DSCAML1: variants seen among roughly 807,000 people sequenced by gnomAD.
The protein encoded by DSCAML1 is DS cell adhesion molecule like 1, also known as cell adhesion molecule DSCAML1.
A neutral mutation model predicts 200.5 loss-of-function variants in DSCAML1; 38 were observed. The ratio of observed to expected loss-of-function variants is 0.19; its 90% CI spans 0.15 to 0.25. DSCAML1 has a LOEUF of 0.25. Ranked by LOEUF, DSCAML1 falls within the 10% of genes least tolerant of loss-of-function variation. The pLI, the probability that DSCAML1 is intolerant of heterozygous loss-of-function variation, is 1.00. For synonymous variants in DSCAML1, 1,215 were observed against 1,165.0 expected (o/e 1.04, Z -0.87); for missense variants, 2,223 against 2,858.8 (o/e 0.78, Z 5.07).
At position 117,780,296 on chromosome 11, in the gene DSCAML1, G is replaced by GAAAGA. The variant is rs1565280985; in HGVS notation, c.364+192_364+196dup. Among the ~76,000 whole-genome samples, 89 of 106,964 alleles carry GAAAGA rather than the reference G, an allele frequency of 8.3e-4. No homozygotes were observed. Among genetic ancestry groups the GAAAGA allele is most frequent in the African/African-American group, 2.5e-3 (81 of 32,548 alleles). 70.2% of individuals were successfully genotyped at this position (106,964 alleles called of 152,430 possible). A position where few individuals can be genotyped will look rare whatever the true frequency, so the allele number is the denominator to read the frequency against. ...AGAAAGAAAGAAAGAAAGAAAGAAA[G>GAAAGA]AAAGAAAGAGAGAAAGGAGAAAGAA... On this transcript the variant is annotated intron_variant, in intron 2 of 32. Transcript: ENST00000651296. The surrounding 1 kb of genome is among the most constrained non-coding windows in gnomAD (Gnocchi z 4.8).
chr11:117,489,585 C>G lies in DSCAML1; in HGVS notation c.2360-7423G>C, dbSNP rs1421181360. Among the ~76,000 whole-genome samples the G allele has an allele frequency of 2.0e-5, 3 of 152,164 alleles. No individual in the cohort carries two copies. Among genetic ancestry groups the G allele is most frequent in the Non-Finnish European group, 4.4e-5 (3 of 68,014 alleles). On this transcript the variant is annotated intron_variant, in intron 11 of 32. Transcript: ENST00000651296. The surrounding 1 kb of genome is among the most constrained non-coding windows in gnomAD (Gnocchi z 4.8). ...GCAGCTTTAGGTGGGGTAGGGTCTT[C>G]TCTCTGAGACCCTGGGGGAGTGAAG...
chr11:117,673,059 G>A (rs892926715), intron 3 of DSCAML1, among the ~76,000 whole-genome samples: 3 of 152,030 alleles, frequency 2.0e-5, no homozygotes, highest in African/African-American at 7.2e-5. Context: ...TCGGGCAATC[G>A]GTTTTCATCG....
In DSCAML1 at chr11:117,489,683, A is replaced by G. The variant is rs2049148461; in HGVS notation, c.2360-7521T>C. On this transcript the variant is annotated intron_variant, in intron 11 of 32. Coordinates refer to ENST00000651296, the MANE Select transcript of DSCAML1 (RefSeq NM_020693.4). This position sits in a 1 kb window ranked among gnomAD's most constrained non-coding sequence, Gnocchi z 4.8. Reference sequence around the variant, plus strand: ...CCCAGCACCTGCTACAGTGCCTGGCACTGTGATGACCAAATTGGGGCATAC... The same window carrying G: ...CCCAGCACCTGCTACAGTGCCTGGCGCTGTGATGACCAAATTGGGGCATAC... Among the ~76,000 whole-genome samples, 1 of 152,172 alleles carries G rather than the reference A, an allele frequency of 6.6e-6. No individual in the cohort carries two copies. The highest frequency in any genetic ancestry group is 2.1e-4 in the South Asian group (1 of 4,830).
intron 3 of DSCAML1, among the ~76,000 whole-genome samples, chr11:117,612,263 C>T (rs2051710355): frequency 6.6e-6 from 1 of 152,220 alleles, no homozygotes; most frequent in African/African-American, 2.4e-5. Flanking sequence ...CTTTCTTCCC[C>T]ACCGCCTCCC....
chr11:117,525,701 C>T (rs372651869), intron 4 of DSCAML1, among the ~76,000 whole-genome samples: 1 of 152,172 alleles, frequency 6.6e-6, no homozygotes, highest in African/African-American at 2.4e-5. Flanking sequence ...CTCGGGTGAT[C>T]CGCCTGCCTT....
At chr11:117,576,394 C>T (rs1198811079) in intron 3 of DSCAML1, among the ~76,000 whole-genome samples, 2 of 152,210 alleles carry the variant, frequency 1.3e-5, no homozygotes, top group East Asian at 3.9e-4. Context: ...TCTTGCTCCT[C>T]CCCATTCCAT....
At chr11:117,756,064 G>A (rs1049393694) in intron 3 of DSCAML1, among the ~76,000 whole-genome samples, 1 of 152,246 alleles carries the variant, frequency 6.6e-6, no homozygotes, top group African/African-American at 2.4e-5. Flanking sequence ...GAAATTGTGT[G>A]AAAGATCTGA....
chr11:117,707,346 A>G (rs1286973108), intron 3 of DSCAML1, among the ~76,000 whole-genome samples: 2 of 152,154 alleles, frequency 1.3e-5, no homozygotes, highest in Non-Finnish European at 2.9e-5. Flanking sequence ...GATAAGGAAA[A>G]AAGGACAGAG....
chr11:117,600,050 T>C (rs1197004923), intron 3 of DSCAML1, among the ~76,000 whole-genome samples: 1 of 152,208 alleles, frequency 6.6e-6, no homozygotes, highest in Non-Finnish European at 1.5e-5. Flanking sequence ...ACACTGGGGA[T>C]AACAGCCATA....
intron 3 of DSCAML1, among the ~76,000 whole-genome samples, chr11:117,699,170 G>C (rs1298843705): frequency 6.6e-6 from 1 of 152,114 alleles, no homozygotes; most frequent in Non-Finnish European, 1.5e-5. Context: ...GGAGGAGAAG[G>C]GACCAGACAG....
intron 1 of DSCAML1, among the ~76,000 whole-genome samples, chr11:117,791,004 A>G (rs2055454884): frequency 6.6e-6 from 1 of 152,368 alleles, no homozygotes; most frequent in African/African-American, 2.4e-5. Flanking sequence ...AGCATCATGT[A>G]GAGACAGGGC....
intron 11 of DSCAML1, among the ~76,000 whole-genome samples, chr11:117,499,964 A>G (rs2049365600): frequency 6.6e-6 from 1 of 152,176 alleles, no homozygotes; most frequent in South Asian, 2.1e-4. Context: ...TCAAGAGTCA[A>G]CTCTACATAG....
chr11:117,739,368 G>A (rs575709888), intron 3 of DSCAML1, among the ~76,000 whole-genome samples: 1 of 152,168 alleles, frequency 6.6e-6, no homozygotes, highest in Non-Finnish European at 1.5e-5. Context: ...GGAAACTCTG[G>A]GGTTGGGGCC....
intron 20 of DSCAML1, among the ~76,000 whole-genome samples, chr11:117,445,714 GTGTA>G (rs1250062450): frequency 6.6e-6 from 1 of 152,190 alleles, no homozygotes; most frequent in Non-Finnish European, 1.5e-5. Context: ...GAACAGCTGA[GTGTA>G]TGTGCTTGTG....
intron 3 of DSCAML1, among the ~76,000 whole-genome samples, chr11:117,583,031 C>T (rs1350171496): frequency 1.7e-5 from 1 of 58,160 alleles, no homozygotes; most frequent in Non-Finnish European, 4.3e-5. Context: ...GTAGCACTAG[C>T]ATTCCCATTT....
upstream of DSCAML1, among the ~76,000 whole-genome samples, chr11:117,798,771 C>T (rs1057324754): frequency 6.6e-6 from 1 of 152,064 alleles, no homozygotes; most frequent in Non-Finnish European, 1.5e-5. Context: ...GTCCTTTAAA[C>T]GGGTGAGAAA....
In DSCAML1 at chr11:117,751,719, A is replaced by C. The variant is rs559476821; in HGVS notation, c.511+25072T>G. Among the ~76,000 whole-genome samples the C allele has an allele frequency of 3.3e-5, 5 of 152,288 alleles. No individual in the cohort carries two copies. In the East Asian group the frequency reaches 9.7e-4, roughly 29 times the overall value. ...TAACCCAGAAAGCCACCTGGGGGAA[A>C]AAATGGAGGCTCAGGGGGTGAAAGG... On this transcript the variant is annotated intron_variant, in intron 3 of 32. Coordinates refer to ENST00000651296, the MANE Select transcript of DSCAML1 (RefSeq NM_020693.4).
chr11:117,499,723 G>A (rs937085986), intron 11 of DSCAML1, among the ~76,000 whole-genome samples: 2 of 152,202 alleles, frequency 1.3e-5, no homozygotes, highest in African/African-American at 2.4e-5. Flanking sequence ...TTAGGCACTC[G>A]TGAGTTCAAC....
At chr11:117,584,830 C>T (rs2051111711) in intron 3 of DSCAML1, among the ~76,000 whole-genome samples, 1 of 152,202 alleles carries the variant, frequency 6.6e-6, no homozygotes. Flanking sequence ...GCAAGTGACT[C>T]AGTCTCCTTT....
Sources: gnomAD v4.1 joint callset for allele counts (sites outside exome capture counted in the v4.1 genomes callset) on GRCh38, gnomAD v4.1.1 for gene constraint, Gnocchi (gnomAD v3.1) non-coding constraint, MANE v1.5 for transcripts, NCBI Gene and HGNC (gene_info 2026-07-23, HGNC 2026-07-21) for gene names.